C1orf87: variants seen among roughly 807,000 people sequenced by gnomAD.
C1orf87 encodes uncharacterized protein C1orf87.
In C1orf87, 58 loss-of-function variants were observed where a neutral mutation model predicts 60.5. The ratio of observed to expected loss-of-function variants is 0.96; its 90% CI spans 0.78 to 1.19. The LOEUF is 1.19. Ranked by LOEUF, C1orf87 falls within the 50% of genes most tolerant of loss-of-function variation. C1orf87 has a pLI of 0.00. For missense variants in C1orf87, 673 were observed against 638.6 expected, an observed-to-expected ratio of 1.05 and a Z score of -0.58; for synonymous variants, 236 against 227.4, an observed-to-expected ratio of 1.04 and a Z score of -0.34.
intron 6 of C1orf87, among the ~76,000 whole-genome samples, chr1:60,036,461 C>T (rs1389631308): frequency 6.6e-6 from 1 of 152,140 alleles, no homozygotes; most frequent in Non-Finnish European, 1.5e-5. Flanking sequence ...AAGGAGTGTC[C>T]TCTAGAAGAA....
At chr1:60,001,508 C>G (rs988201883) in intron 9 of C1orf87, among the ~76,000 whole-genome samples, 1 of 151,998 alleles carries the variant, frequency 6.6e-6, no homozygotes. Flanking sequence ...GACACAAATT[C>G]GCAACCTGAA....
chr1:60,001,225 A>C, intron 9 of C1orf87, 69 bp from the exon 10 acceptor site: 1 of 1,073,958 alleles, frequency 9.3e-7, no homozygotes, highest in South Asian at 1.8e-5. Context: ...ACACATATAC[A>C]CAAGGCAACA....
chr1:60,008,139 C>A (rs929960453), intron 9 of C1orf87, among the ~76,000 whole-genome samples: 2 of 152,006 alleles, frequency 1.3e-5, no homozygotes, highest in Non-Finnish European at 2.9e-5. Context: ...AACAATGCAA[C>A]AGCAACACTA....
chr1:60,017,728 T>G (rs1297148518), intron 8 of C1orf87, among the ~76,000 whole-genome samples: 2 of 152,180 alleles, frequency 1.3e-5, no homozygotes, highest in Admixed American at 1.3e-4. Flanking sequence ...AAACCTGAAC[T>G]CATTTTACAT....
At chr1:60,026,969 C>G (rs1645202409) in intron 7 of C1orf87, among the ~76,000 whole-genome samples, 1 of 152,120 alleles carries the variant, frequency 6.6e-6, no homozygotes, top group African/African-American at 2.4e-5. Flanking sequence ...AGTTCTGTCC[C>G]CAAGATAGCT....
chr1:60,050,946 G>A (rs1284806275), intron 3 of C1orf87, among the ~76,000 whole-genome samples: 1 of 152,152 alleles, frequency 6.6e-6, no homozygotes, highest in Non-Finnish European at 1.5e-5. Context: ...ATTAGGAAAG[G>A]CGTTTACCTC....
rs114698764 is a variant in C1orf87 at position 60,029,054 on chromosome 1, C to G, written c.1030-3556G>C. Among the ~76,000 whole-genome samples, 1,243 of 152,290 alleles carry G rather than the reference C, an allele frequency of 8.2e-3. 11 individuals carry two copies. The highest frequency in any genetic ancestry group is 0.015 in the Non-Finnish European group (991 of 68,024). On this transcript the variant is annotated intron_variant, in intron 7 of 11. Transcript: ENST00000371201. ...TCAGTTTTCACCTCTCTACCCAGAT[C>G]AACGTGTTCAAAACTGAACTCATCA...
chr1:60,047,259 T>C (rs544104991), intron 3 of C1orf87, among the ~76,000 whole-genome samples: 10 of 152,354 alleles, frequency 6.6e-5, no homozygotes, highest in African/African-American at 2.4e-4. Flanking sequence ...GTTTGTTCCC[T>C]AGCATTCTTC....
intron 3 of C1orf87, among the ~76,000 whole-genome samples, chr1:60,047,579 T>C (rs977398298): frequency 9.9e-5 from 15 of 152,204 alleles, no homozygotes; most frequent in African/African-American, 3.4e-4. Flanking sequence ...AGTCATTGTT[T>C]CTAAATTTTT....
chr1:60,070,128 T>C (rs1018861098), intron 2 of C1orf87, among the ~76,000 whole-genome samples: 3 of 152,176 alleles, frequency 2.0e-5, no homozygotes, highest in Non-Finnish European at 2.9e-5. Flanking sequence ...TGAACTTCTG[T>C]TGTTCTAAGC....
intron 2 of C1orf87, among the ~76,000 whole-genome samples, chr1:60,060,415 C>A (rs1645487601): frequency 1.3e-5 from 2 of 152,190 alleles, no homozygotes; most frequent in South Asian, 4.2e-4. Flanking sequence ...CAGACCTCGA[C>A]AAATAGTAAT....
chr1:60,066,224 T>C (rs1645545070), intron 2 of C1orf87, among the ~76,000 whole-genome samples: 1 of 152,152 alleles, frequency 6.6e-6, no homozygotes, highest in Non-Finnish European at 1.5e-5. Flanking sequence ...TATTGACTCA[T>C]CATTTTACAA....
At chr1:60,026,987 T>A (rs1033038228) in intron 7 of C1orf87, among the ~76,000 whole-genome samples, 18 of 152,234 alleles carry the variant, frequency 1.2e-4, no homozygotes, top group African/African-American at 4.1e-4. Flanking sequence ...GCTCATTATG[T>A]ATGTGTAACT....
chr1:60,047,238 T>C (rs1645378900), intron 3 of C1orf87, among the ~76,000 whole-genome samples: 1 of 152,252 alleles, frequency 6.6e-6, no homozygotes, highest in Non-Finnish European at 1.5e-5. Flanking sequence ...CTGTTTTTTT[T>C]CAAATAAATA....
chr1:60,036,311 C>T (rs1323651272), intron 6 of C1orf87, among the ~76,000 whole-genome samples: 1 of 152,128 alleles, frequency 6.6e-6, no homozygotes, highest in African/African-American at 2.4e-5. Context: ...AGGAAGGAAT[C>T]AAGTCCAACT....
chr1:60,061,776 CAAAAAA>C (rs57844722), intron 2 of C1orf87, among the ~76,000 whole-genome samples: 4 of 53,156 alleles, frequency 7.5e-5, no homozygotes, highest in African/African-American at 2.2e-4. Context: ...CCATCTCTAC[CAAAAAA>C]AAAAAAAAAA....
At chr1:60,004,708 G>C (rs920689666) in intron 9 of C1orf87, among the ~76,000 whole-genome samples, 1 of 151,922 alleles carries the variant, frequency 6.6e-6, no homozygotes, top group Non-Finnish European at 1.5e-5. Flanking sequence ...ACAGCAAGAA[G>C]GATAAATAAT....
chr1:60,013,867 G>T (rs1645106820), intron 8 of C1orf87, among the ~76,000 whole-genome samples: 1 of 151,928 alleles, frequency 6.6e-6, no homozygotes, highest in African/African-American at 2.4e-5. Flanking sequence ...GTGCACCTTG[G>T]TAGGGCAGAG....
chr1:60,056,702 C>T (rs1441444891), intron 2 of C1orf87, among the ~76,000 whole-genome samples: 1 of 152,174 alleles, frequency 6.6e-6, no homozygotes, highest in African/African-American at 2.4e-5. Flanking sequence ...CTCTATTACA[C>T]TATATCATGT....
Sources: gnomAD v4.1 joint callset for allele counts (sites outside exome capture counted in the v4.1 genomes callset) on GRCh38, gnomAD v4.1.1 for gene constraint, MANE v1.5 for transcripts, NCBI Gene and HGNC (gene_info 2026-07-23, HGNC 2026-07-21) for gene names.